The following PLG variants were observed in gnomAD, a reference collection of about 807,000 sequenced individuals.
The protein encoded by PLG is plasmin.
A neutral mutation model predicts 104.4 loss-of-function variants in PLG; 41 were observed. The observed-to-expected ratio is 0.39, with a 90% CI of 0.31 to 0.51. PLG has a LOEUF of 0.51. Ranked by LOEUF, PLG falls within the 20% of genes least tolerant of loss-of-function variation. PLG has a pLI of 0.76. For missense variants in PLG, 891 were observed against 1,003.6 expected, an observed-to-expected ratio of 0.89 and a Z score of 1.52; for synonymous variants, 337 against 357.1, an observed-to-expected ratio of 0.94 and a Z score of 0.63.
rs1390650500 is a variant in PLG, at chr6:160,741,314, T to C, written c.2022T>C (p.Pro674=). 19 of 1,590,292 alleles carry C rather than the reference T, an allele frequency of 1.2e-5. No homozygotes were observed. The highest frequency in any genetic ancestry group is 1.6e-5 in the Non-Finnish European group (18 of 1,158,166). The change falls in exon 17 of 19, where the codon CCT becomes CCC. Residue 674 remains proline (P), a synonymous_variant. Transcript: ENST00000308192. This position sits in a 1 kb window ranked among gnomAD's most constrained non-coding sequence, Gnocchi z 4.7. The part of the protein sequence containing the change: ...KDIALLKLSS[P]AVITDKVIPA... ...ACTGCTGATGCTTTTCTTTCAGTCCTGCCGTCATCACTGACAAAGTAATCC... is the reference window on the plus strand; with the variant it reads ...ACTGCTGATGCTTTTCTTTCAGTCCCGCCGTCATCACTGACAAAGTAATCC...
chr6:160,748,413 A>AAAGG (rs1184710955), intron 17 of PLG, among the ~76,000 whole-genome samples: 1 of 73,042 alleles, frequency 1.4e-5, no homozygotes, highest in African/African-American at 5.1e-5. Context: ...AGAAAGAAAG[A>AAAGG]AAGGGAAAGA....
chr6:160,711,642 G>GT (rs1238189024), intron 4 of PLG: 1 of 1,610,614 alleles, frequency 6.2e-7, no homozygotes, highest in African/African-American at 1.3e-5. Context: ...GTAGAACATG[G>GT]TTGCTTTCTA....
At chr6:160,748,556 A>G (rs1330713117) in intron 17 of PLG, among the ~76,000 whole-genome samples, 3 of 151,912 alleles carry the variant, frequency 2.0e-5, no homozygotes, top group Admixed American at 2.0e-4. Flanking sequence ...GGGAGAAACA[A>G]TAAGAAAGTG....
chr6:160,710,977 G>T lies in PLG; in HGVS notation c.293-100G>T, dbSNP rs1012831970. 1.9e-5 allele frequency: 20 copies of T among 1,029,336 alleles called. No homozygotes were observed. The African/African-American group carries it at 2.7e-4, about 14-fold the overall frequency. The allele number at this position is 1,029,336 out of a possible 1,614,324, so 63.8% of individuals were successfully genotyped here. ...ATCTTTTAGAAAGCAGAAACAGGGG[G>T]TCTGGTGCATGAGATCTTTTTCTCA... On this transcript the variant is annotated intron_variant, in intron 3 of 18. Coordinates refer to ENST00000308192, the MANE Select transcript of PLG (RefSeq NM_000301.5).
At position 160,733,512 on chromosome 6, in the gene PLG, A is replaced by C. The variant is rs138943492; in HGVS notation, c.1588-483A>C. 3.3e-5 allele frequency among the ~76,000 whole-genome samples: 5 copies of C among 150,636 alleles called. No individual in the cohort carries two copies. The East Asian group carries it at 9.7e-4, about 29-fold the overall frequency. On this transcript the variant is annotated intron_variant, in intron 12 of 18. Coordinates refer to ENST00000308192, the MANE Select transcript of PLG (RefSeq NM_000301.5). ...AAGGACGGCTTTAGAGCATTCAAAA[A>C]ATAACTTTGCCAAAATAATAATAAT... is the stretch of plus-strand genomic sequence containing the variant.
chr6:160,707,986 A>T (rs986803951), intron 3 of PLG, 180 bp downstream of exon 3: 7 of 595,654 alleles, frequency 1.2e-5, no homozygotes, highest in Non-Finnish European at 2.1e-5. Flanking sequence ...TGAGTGTATT[A>T]CTTCACCTCT....
In PLG at chr6:160,723,917, C is replaced by A. The variant is rs1482511890; in HGVS notation, c.1256+1350C>A. Among the ~76,000 whole-genome samples, 1 of 152,072 alleles carries A rather than the reference C, an allele frequency of 6.6e-6. No individual in the cohort carries two copies. The highest frequency in any genetic ancestry group is 1.5e-5 in the Non-Finnish European group (1 of 68,022). On this transcript the variant is annotated intron_variant, in intron 10 of 18. Transcript: ENST00000308192. The surrounding 1 kb of genome is among the most constrained non-coding windows in gnomAD (Gnocchi z 4.7). ...ATTAGTGTATTCCTATAATAAAGGC[C>A]ACTCCAGAAACAGCATAGTAAAGCT...
chr6:160,751,784 GAA>G (rs999688693), intron 17 of PLG, among the ~76,000 whole-genome samples: 2 of 151,998 alleles, frequency 1.3e-5, no homozygotes, highest in East Asian at 1.9e-4. Flanking sequence ...TAAAACATCT[GAA>G]AAAAGAGTAT....
chr6:160,709,960 C>A (rs1419739687), intron 3 of PLG, among the ~76,000 whole-genome samples: 1 of 152,154 alleles, frequency 6.6e-6, no homozygotes, highest in Non-Finnish European at 1.5e-5. Flanking sequence ...CACCTTTTGA[C>A]GTAGAGCAGA....
intron 17 of PLG, among the ~76,000 whole-genome samples, chr6:160,751,197 TAGACTC>T (rs1279694178): frequency 2.0e-5 from 3 of 152,196 alleles, no homozygotes; most frequent in Non-Finnish European, 2.9e-5. Context: ...TATGGGAACT[TAGACTC>T]AGAAAATGTT....
rs963181410 is a variant in PLG, at chr6:160,711,790, G to T, written c.407+599G>T. The T allele has an allele frequency of 1.8e-5, 28 of 1,574,276 alleles. No individual in the cohort carries two copies. The African/African-American group carries it at 3.6e-4, about 20-fold the overall frequency. On this transcript the variant is annotated intron_variant, in intron 4 of 18. Transcript: ENST00000308192. ...ATGACTATGTTTGGGACTGAAGTAA[G>T]CATATCAGGTTAGAACTCTCATCAC...
rs1056573059 is a variant in PLG at position 160,752,650 on chromosome 6, C to T, written c.2272-250C>T. 6.6e-6 allele frequency among the ~76,000 whole-genome samples: 1 copy of T among 152,136 alleles called. No homozygotes were observed. Among genetic ancestry groups the T allele is most frequent in the Non-Finnish European group, 1.5e-5 (1 of 68,020 alleles). On this transcript the variant is annotated intron_variant, in intron 18 of 18. Transcript: ENST00000308192. The surrounding 1 kb of genome is among the most constrained non-coding windows in gnomAD (Gnocchi z 4.7). Reference sequence around the variant, plus strand: ...TAGCCCAGTCTAAAGGAAACACCAACATAGGAAGGGATGTGTGCAGGATTC... The same window carrying T: ...TAGCCCAGTCTAAAGGAAACACCAATATAGGAAGGGATGTGTGCAGGATTC...
At position 160,711,818 on chromosome 6, in the gene PLG, G is replaced by C. The variant is rs534167106; in HGVS notation, c.407+627G>C. On this transcript the variant is annotated intron_variant, in intron 4 of 18. Transcript: ENST00000308192. Reference sequence around the variant, plus strand: ...TATCAGGTTAGAACTCTCATCACATGTTCGACTCAAATTGTGGAGCAAAAG... The same window carrying C: ...TATCAGGTTAGAACTCTCATCACATCTTCGACTCAAATTGTGGAGCAAAAG... The C allele has an allele frequency of 5.4e-6, 8 of 1,491,958 alleles. No homozygotes were observed. The East Asian group carries it at 1.4e-4, about 26-fold the overall frequency. 92.4% of individuals were successfully genotyped at this position (1,491,958 alleles called of 1,614,324 possible). A position where few individuals can be genotyped will look rare whatever the true frequency, so the allele number is the denominator to read the frequency against.
At chr6:160,733,453 T>C (rs773669728) in intron 12 of PLG, among the ~76,000 whole-genome samples, 31 of 152,134 alleles carry the variant, frequency 2.0e-4, no homozygotes, top group Non-Finnish European at 4.4e-4. Flanking sequence ...TCCAGGGGTG[T>C]GGCCTCATAG....
intron 17 of PLG, among the ~76,000 whole-genome samples, chr6:160,748,338 G>A (rs565165160): frequency 8.7e-4 from 104 of 120,206 alleles, no homozygotes; most frequent in African/African-American, 3.0e-3. Flanking sequence ...AGGAAAGAAG[G>A]AAGAAAAGAA....
rs41267833 is a variant in PLG, at chr6:160,753,182, C to T, written c.*121C>T. The T allele has an allele frequency of 3.8e-3, 2,546 of 666,234 alleles. 13 individuals are homozygous for T. The highest frequency in any genetic ancestry group is 4.8e-3 in the Non-Finnish European group (1,832 of 381,984). 41.3% of individuals were successfully genotyped at this position (666,234 alleles called of 1,614,324 possible). Reference sequence around the variant, plus strand: ...AGACACTGTCCCCAGCTACCAGCTACGCCAAACCTCGGCATTTTTTGTGTT... The same window carrying T: ...AGACACTGTCCCCAGCTACCAGCTATGCCAAACCTCGGCATTTTTTGTGTT... On this transcript the variant is annotated 3_prime_UTR_variant, in exon 19 of 19. Coordinates refer to ENST00000308192, the MANE Select transcript of PLG (RefSeq NM_000301.5). This position sits in a 1 kb window ranked among gnomAD's most constrained non-coding sequence, Gnocchi z 5.4.
rs1777672581 is a variant in PLG, at chr6:160,713,074, A to G, written c.496A>G (p.Thr166Ala). ...DNDPQGPWCY[T>A]TDPEKRYDYC... ...CGATCCGCAGGGGCCCTGGTGCTATACTACTGATCCAGAAAAGAGATATGA... is the reference window on the plus strand; with the variant it reads ...CGATCCGCAGGGGCCCTGGTGCTATGCTACTGATCCAGAAAAGAGATATGA... Residue 166 changes from threonine (T) to alanine (A), a missense_variant, in exon 5 of 19, where the codon ACT becomes GCT. Coordinates refer to ENST00000308192, the MANE Select transcript of PLG (RefSeq NM_000301.5). The G allele has an allele frequency of 6.2e-7, 1 of 1,609,382 alleles. No homozygotes were observed. Among genetic ancestry groups the G allele is most frequent in the East Asian group, 2.2e-5 (1 of 44,858 alleles).
intron 10 of PLG, among the ~76,000 whole-genome samples, chr6:160,730,425 G>A (rs1049167266): frequency 2.6e-5 from 4 of 152,208 alleles, no homozygotes; most frequent in Admixed American, 6.5e-5. Context: ...GCTTTGATAC[G>A]TCTTGCAGAA....
chr6:160,703,268 T>TA (rs34053173), intron 1 of PLG, among the ~76,000 whole-genome samples: 5,195 of 146,856 alleles, frequency 0.035, 125 homozygotes, highest in African/African-American at 0.074. Flanking sequence ...TCTTTTTCTT[T>TA]AAAAAAAAAA....
Sources: gnomAD v4.1 joint callset for allele counts (sites outside exome capture counted in the v4.1 genomes callset) on GRCh38, gnomAD v4.1.1 for gene constraint, Gnocchi (gnomAD v3.1) non-coding constraint, MANE v1.5 for transcripts, NCBI Gene and HGNC (gene_info 2026-07-23, HGNC 2026-07-21) for gene names.